The following WDR25 variants were observed in gnomAD, a reference collection of about 807,000 sequenced individuals.
WDR25 encodes WD repeat-containing protein 25.
WDR25 carries 35 observed loss-of-function variants against 47.7 expected under a neutral mutation model. The ratio of observed to expected loss-of-function variants is 0.73; its 90% CI spans 0.56 to 0.97. The LOEUF (loss-of-function observed/expected upper bound fraction) is 0.97. Among genes scored for constraint, WDR25 ranks in the 50% least tolerant of loss-of-function variants. WDR25 has a pLI of 0.00. For synonymous variants in WDR25, 248 were observed against 278.9 expected (o/e 0.89, Z 1.10); for missense variants, 634 against 704.7 (o/e 0.90, Z 1.14).
rs187805694 is a variant in WDR25, at chr14:100,483,994, G to C, written c.971G>C (p.Gly324Ala). ...CCTCTCTTCTCTTTTTGTGTTGTAG[G>C]AACCCAGCTATTTAGTGGTCGAAGT... ...FALHLTDLET[G>A]TQLFSGRSDF... The change falls in exon 4 of 7, where the codon GGA (glycine) becomes GCA (alanine). Residue 324 changes from glycine to alanine, a missense_variant and splice_region_variant. By Grantham distance (60) the Gly-to-Ala change is moderately conservative. Transcript: ENST00000402312. 80 of 1,607,510 alleles carry C rather than the reference G, an allele frequency of 5.0e-5. No individual in the cohort carries two copies. In the Admixed American group the frequency reaches 1.1e-3, roughly 22 times the overall value.
chr14:100,425,278 C>T lies in WDR25; in HGVS notation c.823-42743C>T, dbSNP rs1310374554. 2.0e-5 allele frequency among the ~76,000 whole-genome samples: 3 copies of T among 152,176 alleles called. No homozygotes were observed. The highest frequency in any genetic ancestry group is 4.4e-5 in the Non-Finnish European group (3 of 68,024). On this transcript the variant is annotated intron_variant, in intron 2 of 6. Coordinates refer to ENST00000402312, the MANE Select transcript of WDR25 (RefSeq NM_001161476.3). The surrounding 1 kb of genome is among the most constrained non-coding windows in gnomAD (Gnocchi z 4.8). The stretch of plus-strand genomic sequence containing the variant: ...CCCTTAATGTGCACATCCTGTCACC[C>T]CATGGGCCTAAGCTGTAACGGGGCA...
At chr14:100,470,138 G>A (rs1216457929) in intron 3 of WDR25, among the ~76,000 whole-genome samples, 1 of 152,222 alleles carries the variant, frequency 6.6e-6, no homozygotes, top group Non-Finnish European at 1.5e-5. Flanking sequence ...CAGAGAATTA[G>A]GATGGAGGAG....
At chr14:100,527,718 T>C (rs1364001543) in intron 5 of WDR25, among the ~76,000 whole-genome samples, 1 of 152,188 alleles carries the variant, frequency 6.6e-6, no homozygotes, top group Non-Finnish European at 1.5e-5. Flanking sequence ...CACTCCACAC[T>C]GTCTGTGTGG....
chr14:100,511,592 CT>C (rs747773537), intron 4 of WDR25, among the ~76,000 whole-genome samples: 33 of 151,808 alleles, frequency 2.2e-4, no homozygotes, highest in Admixed American at 3.9e-4. Context: ...CCTTCCCTTC[CT>C]TCCTTCCTTT....
intron 2 of WDR25, among the ~76,000 whole-genome samples, chr14:100,462,979 TTTTC>T (rs1566922005): frequency 1.9e-5 from 1 of 53,122 alleles, no homozygotes; most frequent in African/African-American, 1.2e-4. Flanking sequence ...GCTCCTTCCT[TTTTC>T]CCTTCTCCCC....
rs747152058 is a variant in WDR25 at position 100,523,414 on chromosome 14, A to T, written c.1102-2456A>T. On this transcript the variant is annotated intron_variant, in intron 4 of 6. Transcript: ENST00000402312. The surrounding 1 kb of genome is among the most constrained non-coding windows in gnomAD (Gnocchi z 4.7). ...GGTCTGGGTGCAGAGGACTGGCAGCATGGGGTGAGGGATAGCTGGGTGCAT... is the reference window on the plus strand; with the variant it reads ...GGTCTGGGTGCAGAGGACTGGCAGCTTGGGGTGAGGGATAGCTGGGTGCAT... Among the ~76,000 whole-genome samples, 1 of 152,156 alleles carries T rather than the reference A, an allele frequency of 6.6e-6. No individual in the cohort carries two copies. Among genetic ancestry groups the T allele is most frequent in the African/African-American group, 2.4e-5 (1 of 41,428 alleles).
At chr14:100,378,244 A>G (rs1896777886) in intron 1 of WDR25, among the ~76,000 whole-genome samples, 2 of 151,512 alleles carry the variant, frequency 1.3e-5, no homozygotes, top group South Asian at 4.1e-4. Context: ...ATCTTGGCTC[A>G]CTGCAACCTC....
chr14:100,395,230 C>T (rs745963996), intron 2 of WDR25, among the ~76,000 whole-genome samples: 6 of 152,298 alleles, frequency 3.9e-5, no homozygotes, highest in African/African-American at 7.2e-5. Context: ...AGTCTTATTT[C>T]GGTGTTCAGT....
At position 100,510,119 on chromosome 14, in the gene WDR25, A is replaced by G. The variant is rs141776179; in HGVS notation, c.1102-15751A>G. Among the ~76,000 whole-genome samples the G allele has an allele frequency of 8.7e-3, 1,318 of 151,862 alleles. 12 individuals are homozygous for G. The highest frequency in any genetic ancestry group is 0.015 in the South Asian group (71 of 4,806). ...AACCTGTCTCTACTAGAAGTACACA[A>G]AATAGCTGGGCGTGGTGGCGTGTGT... On this transcript the variant is annotated intron_variant, in intron 4 of 6. Transcript: ENST00000402312.
In WDR25 at chr14:100,459,131, G is replaced by A. The variant is rs116240116; in HGVS notation, c.823-8890G>A. On this transcript the variant is annotated intron_variant, in intron 2 of 6. Transcript: ENST00000402312. ...GACCAATGAAAGGTATATTTAGCCT[G>A]ACTCATGGGAGATAACAGAGAAAAA... is the stretch of plus-strand genomic sequence containing the variant. Among the ~76,000 whole-genome samples the A allele has an allele frequency of 4.5e-3, 686 of 152,236 alleles. 4 individuals are homozygous for A. Among genetic ancestry groups the A allele is most frequent in the African/African-American group, 0.016 (668 of 41,556 alleles).
intron 2 of WDR25, among the ~76,000 whole-genome samples, chr14:100,387,269 C>G (rs1389246933): frequency 6.6e-6 from 1 of 152,048 alleles, no homozygotes; most frequent in South Asian, 2.1e-4. Context: ...GACAAATCAC[C>G]CAGAATCCTC....
intron 4 of WDR25, among the ~76,000 whole-genome samples, chr14:100,515,436 AT>A (rs2140370740): frequency 6.6e-6 from 1 of 152,152 alleles, no homozygotes; most frequent in Non-Finnish European, 1.5e-5. Flanking sequence ...ATATCTTCAA[AT>A]TTAGTAATCA....
intron 2 of WDR25, among the ~76,000 whole-genome samples, chr14:100,384,487 C>T (rs1896975584): frequency 1.3e-5 from 2 of 152,166 alleles, no homozygotes; most frequent in Admixed American, 1.3e-4. Flanking sequence ...GCTTGCTGGG[C>T]CACCAGGTTT....
rs1898310939 is a variant in WDR25 at position 100,430,838 on chromosome 14, A to G, written c.823-37183A>G. ...ATTTCTGGCTGTCGAGAAGGGGCCT[A>G]AGAGGTGCCCACTCCCCTCCTTGTG... On this transcript the variant is annotated intron_variant, in intron 2 of 6. Transcript: ENST00000402312. This position sits in a 1 kb window ranked among gnomAD's most constrained non-coding sequence, Gnocchi z 4.7. Among the ~76,000 whole-genome samples, 1 of 152,214 alleles carries G rather than the reference A, an allele frequency of 6.6e-6. No homozygotes were observed. The highest frequency in any genetic ancestry group is 1.5e-5 in the Non-Finnish European group (1 of 68,040).
intron 2 of WDR25, among the ~76,000 whole-genome samples, chr14:100,467,371 C>T: frequency 6.6e-6 from 1 of 151,560 alleles, no homozygotes; most frequent in Admixed American, 6.6e-5. Context: ...GGATAAGATG[C>T]CAGGGACGCA....
chr14:100,417,140 C>T (rs983043955), intron 2 of WDR25, among the ~76,000 whole-genome samples: 7 of 152,252 alleles, frequency 4.6e-5, no homozygotes, highest in African/African-American at 1.4e-4. Flanking sequence ...GGCCCTGCCC[C>T]TCCCTTCTCT....
intron 2 of WDR25, among the ~76,000 whole-genome samples, chr14:100,437,507 G>A (rs1043845892): frequency 6.6e-6 from 1 of 152,152 alleles, no homozygotes; most frequent in Admixed American, 6.5e-5. Flanking sequence ...GGGCAAGGTG[G>A]GTTGCTTAAC....
At chr14:100,405,152 C>T (rs1346836116) in intron 2 of WDR25, among the ~76,000 whole-genome samples, 3 of 140,434 alleles carry the variant, frequency 2.1e-5, no homozygotes, top group Non-Finnish European at 3.1e-5. Flanking sequence ...GCCTAGGAAT[C>T]CTCTCTCTGC....
Position 100,500,419 on chromosome 14 carries a change from G to A in WDR25, c.1101+16295G>A, listed in dbSNP as rs1177132336. 1.3e-5 allele frequency among the ~76,000 whole-genome samples: 2 copies of A among 152,192 alleles called. No individual in the cohort carries two copies. Among genetic ancestry groups the A allele is most frequent in the Non-Finnish European group, 1.5e-5 (1 of 68,024 alleles). On this transcript the variant is annotated intron_variant, in intron 4 of 6. Coordinates refer to ENST00000402312, the MANE Select transcript of WDR25 (RefSeq NM_001161476.3). This position sits in a 1 kb window ranked among gnomAD's most constrained non-coding sequence, Gnocchi z 4.7. ...TGGCTGTGGAGGGTGGAGAAGGAGGGGTGGGGATGGTCAGATGGAGGCATG... is the reference window on the plus strand; with the variant it reads ...TGGCTGTGGAGGGTGGAGAAGGAGGAGTGGGGATGGTCAGATGGAGGCATG...
Sources: gnomAD v4.1 joint callset for allele counts (sites outside exome capture counted in the v4.1 genomes callset) on GRCh38, gnomAD v4.1.1 for gene constraint, Gnocchi (gnomAD v3.1) non-coding constraint, MANE v1.5 for transcripts, NCBI Gene and HGNC (gene_info 2026-07-23, HGNC 2026-07-21) for gene names.